Variants in TANC2 observed in about 807,000 individuals in gnomAD.
TANC2 encodes tetratricopeptide repeat, ankyrin repeat and coiled-coil containing 2, also known as protein TANC2.
A neutral mutation model predicts 210.5 loss-of-function variants in TANC2; 26 were observed. The ratio of observed to expected loss-of-function variants is 0.12; its 90% confidence interval spans 0.09 to 0.17. TANC2 has a LOEUF of 0.17. Ranked by LOEUF, TANC2 falls within the 10% of genes least tolerant of loss-of-function variation. TANC2 has a pLI of 1.00. For synonymous variants in TANC2, 931 were observed against 967.1 expected (o/e 0.96, Z 0.69); for missense variants, 2,129 against 2,608.9 (o/e 0.82, Z 4.01).
chr17:63,318,615 T>C (rs187933685), intron 10 of TANC2, among the ~76,000 whole-genome samples: 14 of 152,368 alleles, frequency 9.2e-5, no homozygotes, highest in African/African-American at 2.9e-4. Context: ...TTTTTTTTAC[T>C]GACCTCTTGG....
intron 5 of TANC2, among the ~76,000 whole-genome samples, chr17:63,162,688 A>C (rs1484089118): frequency 6.6e-6 from 1 of 152,126 alleles, no homozygotes; most frequent in Non-Finnish European, 1.5e-5. Flanking sequence ...GTAGGTAGAT[A>C]TGGTGACGTG....
chr17:63,164,942 G>T (rs1264951103), intron 5 of TANC2, among the ~76,000 whole-genome samples: 1 of 152,028 alleles, frequency 6.6e-6, no homozygotes, highest in Non-Finnish European at 1.5e-5. Context: ...TGTTTTACTG[G>T]CTCTCTCTTA....
chr17:63,373,093 G>A (rs1273863759), intron 14 of TANC2, among the ~76,000 whole-genome samples: 1 of 151,522 alleles, frequency 6.6e-6, no homozygotes, highest in African/African-American at 2.4e-5. Flanking sequence ...ATGGGGTCTC[G>A]CTATGGTATC....
At chr17:63,292,529 A>G (rs2044413283) in intron 9 of TANC2, among the ~76,000 whole-genome samples, 1 of 152,236 alleles carries the variant, frequency 6.6e-6, no homozygotes, top group African/African-American at 2.4e-5. Flanking sequence ...CAGGCTATAA[A>G]TTATTGCTAT....
At chr17:63,312,808 T>G (rs1484890579) in intron 9 of TANC2, among the ~76,000 whole-genome samples, 1 of 152,206 alleles carries the variant, frequency 6.6e-6, no homozygotes, top group Non-Finnish European at 1.5e-5. Flanking sequence ...TGTAGCTTTA[T>G]CTCCACAGCT....
intron 8 of TANC2, among the ~76,000 whole-genome samples, chr17:63,262,465 C>CA (rs1223082382): frequency 6.6e-6 from 1 of 152,330 alleles, no homozygotes; most frequent in East Asian, 1.9e-4. Flanking sequence ...GCTGGGATTA[C>CA]AGGCGCAAGC....
rs1317002972 is a variant in TANC2 at position 63,384,914 on chromosome 17, A to G, written c.2692-3721A>G. 2.0e-5 allele frequency among the ~76,000 whole-genome samples: 3 copies of G among 152,096 alleles called. 1 individual carries two copies. Among genetic ancestry groups the G allele is most frequent in the Non-Finnish European group, 4.4e-5 (3 of 68,034 alleles). On this transcript the variant is annotated intron_variant, in intron 15 of 27. Coordinates refer to ENST00000689528, the Ensembl canonical transcript of TANC2. ...TATAGTTGCTACTTTTTCAGCTAAG[A>G]TCAGAGAAGTGAGGTCCTGAATCAG...
At chr17:63,204,686 CTAAA>C (rs2041643196) in intron 7 of TANC2, among the ~76,000 whole-genome samples, 1 of 152,106 alleles carries the variant, frequency 6.6e-6, no homozygotes, top group East Asian at 1.9e-4. Flanking sequence ...TTAAAGGACT[CTAAA>C]TAGCCAAAAC....
rs144687019 is a variant in TANC2, at chr17:63,200,522, G to A, written c.583-249G>A. Among the ~76,000 whole-genome samples the A allele has an allele frequency of 2.2e-4, 34 of 152,154 alleles. No homozygotes were observed. The East Asian group carries it at 5.2e-3, about 23-fold the overall frequency. On this transcript the variant is annotated intron_variant, in intron 6 of 27. Transcript: ENST00000689528. ...TCTATTAATGAATGGCAGTGATAGGGTACTTGTCACTGGAAATTTTGTAGG... is the reference window on the plus strand; with the variant it reads ...TCTATTAATGAATGGCAGTGATAGGATACTTGTCACTGGAAATTTTGTAGG...
chr17:63,269,778 A>G (rs764036205), intron 9 of TANC2, among the ~76,000 whole-genome samples: 2 of 152,146 alleles, frequency 1.3e-5, no homozygotes, highest in Admixed American at 6.6e-5. Context: ...CTGGAATGCA[A>G]CAAAGATCTT....
At chr17:63,249,236 G>A (rs1358181697) in intron 8 of TANC2, among the ~76,000 whole-genome samples, 3 of 152,124 alleles carry the variant, frequency 2.0e-5, no homozygotes, top group African/African-American at 4.8e-5. Context: ...TATAAACTTA[G>A]CTGTTCATAC....
intron 9 of TANC2, among the ~76,000 whole-genome samples, chr17:63,312,531 T>C (rs1022792398): frequency 6.6e-6 from 1 of 152,092 alleles, no homozygotes; most frequent in African/African-American, 2.4e-5. Context: ...TACTCATGGC[T>C]CATTGACGTA....
In TANC2 at chr17:63,421,831, C is replaced by T; in HGVS notation, c.6101C>T (p.Ala2034Val). Residue 2034 changes from alanine (A) to valine (V), a missense_variant, in exon 28 of 28, where the codon GCT (alanine) becomes GTT (valine). Transcript: ENST00000689528. The surrounding 1 kb of genome is among the most constrained non-coding windows in gnomAD (Gnocchi z 6.9). ...TCCTCCTATCCCGACGTGAAGGTAGCTCGGACTCTACCTGTGGCTCAGGCA... is the reference window on the plus strand; with the variant it reads ...TCCTCCTATCCCGACGTGAAGGTAGTTCGGACTCTACCTGTGGCTCAGGCA... The T allele has an allele frequency of 1.2e-6, 2 of 1,614,042 alleles. No individual in the cohort carries two copies. Among genetic ancestry groups the T allele is most frequent in the Non-Finnish European group, 1.7e-6 (2 of 1,179,902 alleles).
At chr17:63,267,853 G>T (rs756151305) in exon 9 of TANC2, 1 of 1,611,578 alleles carries the variant, frequency 6.2e-7, no homozygotes, top group Non-Finnish European at 8.5e-7. Flanking sequence ...GGTGGTGCTC[G>T]CACACAGCAG....
At chr17:63,037,611 C>A (rs2035024650) in intron 2 of TANC2, among the ~76,000 whole-genome samples, 1 of 151,928 alleles carries the variant, frequency 6.6e-6, no homozygotes, top group Non-Finnish European at 1.5e-5. Flanking sequence ...GTCAGGAGTT[C>A]AAGACCAGCC....
Position 63,124,667 on chromosome 17 carries a change from G to A in TANC2, c.322+25310G>A, listed in dbSNP as rs539622974. 9.2e-5 allele frequency among the ~76,000 whole-genome samples: 14 copies of A among 152,260 alleles called. No individual in the cohort carries two copies. The East Asian group carries it at 2.3e-3, about 25-fold the overall frequency. On this transcript the variant is annotated intron_variant, in intron 4 of 27. Transcript: ENST00000689528. ...GTCACATGTAGCAGGGATCCCCAAC[G>A]CTCAGGCTGCAGACTAGTACCAGTC...
intron 5 of TANC2, among the ~76,000 whole-genome samples, chr17:63,181,023 CAAAAAAAAAAAA>C (rs1171748208): frequency 9.5e-4 from 29 of 30,670 alleles, no homozygotes; most frequent in East Asian, 6.1e-3. Flanking sequence ...GACTCCATCT[CAAAAAAAAAAAA>C]AAAAAAAAAA....
At chr17:63,387,531 A>G (rs1441512046) in intron 15 of TANC2, among the ~76,000 whole-genome samples, 1 of 152,222 alleles carries the variant, frequency 6.6e-6, no homozygotes, top group Non-Finnish European at 1.5e-5. Flanking sequence ...CTAGGCAAGA[A>G]CATTCTATAT....
intron 7 of TANC2, among the ~76,000 whole-genome samples, chr17:63,202,009 TA>T (rs1260822197): frequency 5.3e-5 from 8 of 152,158 alleles, no homozygotes; most frequent in Non-Finnish European, 1.2e-4. Context: ...TAGAAAATAT[TA>T]AAGTATTGTG....
Sources: allele counts gnomAD v4.1 joint callset (sites outside exome capture counted in the v4.1 genomes callset), GRCh38; gene constraint gnomAD v4.1.1; non-coding constraint Gnocchi (gnomAD v3.1); transcripts MANE v1.5; gene names NCBI Gene and HGNC (gene_info 2026-07-23, HGNC 2026-07-21).